MLIP: variants seen among roughly 807,000 people sequenced by gnomAD.
MLIP encodes the protein muscular LMNA-interacting protein.
A neutral mutation model predicts 84.8 loss-of-function variants in MLIP; 79 were observed. That is an observed-to-expected ratio of 0.93 (90% CI 0.78 to 1.12). The LOEUF (loss-of-function observed/expected upper bound fraction) is 1.12. Ranked by LOEUF, MLIP falls within the 50% of genes most tolerant of loss-of-function variation. The pLI is 0.00. For missense variants in MLIP, 1,257 were observed against 1,160.6 expected (o/e 1.08, Z -1.21); for synonymous variants, 504 against 463.0 (o/e 1.09, Z -1.14).
At chr6:54,243,512 T>G (rs2150843553) in intron 12 of MLIP, among the ~76,000 whole-genome samples, 1 of 152,330 alleles carries the variant, frequency 6.6e-6, no homozygotes, top group Non-Finnish European at 1.5e-5. Flanking sequence ...GGAACATATT[T>G]AGAAAAAGTA....
chr6:54,244,750 A>G (rs559455604), intron 12 of MLIP, among the ~76,000 whole-genome samples: 402 of 152,304 alleles, frequency 2.6e-3, no homozygotes, highest in African/African-American at 9.0e-3. Context: ...TTTTTCCAGG[A>G]AACTGAGAAC....
upstream of MLIP, among the ~76,000 whole-genome samples, chr6:54,107,749 C>T (rs1171636061): frequency 2.0e-5 from 3 of 152,164 alleles, no homozygotes; most frequent in African/African-American, 7.2e-5. Flanking sequence ...ATGCTGAGAA[C>T]AGGTTCCAAG....
chr6:54,026,292 T>A (rs1763800561), intron 1 of MLIP, among the ~76,000 whole-genome samples: 1 of 152,232 alleles, frequency 6.6e-6, no homozygotes, highest in Non-Finnish European at 1.5e-5. Flanking sequence ...TTAAGCATTA[T>A]GAGTAATTAA....
At chr6:54,145,689 T>C (rs867147102) in intron 4 of MLIP, among the ~76,000 whole-genome samples, 1 of 151,986 alleles carries the variant, frequency 6.6e-6, no homozygotes, top group Non-Finnish European at 1.5e-5. Context: ...GGTGGAAGAA[T>C]TGCTTGAGCT....
chr6:54,128,565 T>C (rs1022509245), intron 3 of MLIP, among the ~76,000 whole-genome samples: 1 of 152,086 alleles, frequency 6.6e-6, no homozygotes, highest in Non-Finnish European at 1.5e-5. Context: ...CCTGAGTCCA[T>C]TAAATCTTGA....
At chr6:54,061,926 A>C (rs529303039) in intron 1 of MLIP, among the ~76,000 whole-genome samples, 53 of 152,212 alleles carry the variant, frequency 3.5e-4, no homozygotes, top group Non-Finnish European at 7.2e-4. Flanking sequence ...TTACTTTCTC[A>C]AGTTGGTTGT....
intron 1 of MLIP, among the ~76,000 whole-genome samples, chr6:54,024,617 G>A (rs1184377442): frequency 1.3e-5 from 2 of 152,126 alleles, no homozygotes; most frequent in African/African-American, 4.8e-5. Flanking sequence ...TAAAGTCCTA[G>A]CCCTCAAGGC....
At chr6:54,147,671 G>A (rs778557497) in intron 4 of MLIP, among the ~76,000 whole-genome samples, 1 of 152,060 alleles carries the variant, frequency 6.6e-6, no homozygotes, top group Admixed American at 6.6e-5. Context: ...TCTTGTGCAC[G>A]TTTTGCTGAG....
intron 9 of MLIP, among the ~76,000 whole-genome samples, chr6:54,187,401 C>A (rs190013728): frequency 6.6e-6 from 1 of 151,914 alleles, no homozygotes; most frequent in Non-Finnish European, 1.5e-5. Flanking sequence ...TGGTATTTAA[C>A]GAGGGGGGAC....
chr6:54,242,009 G>C (rs1216191087), intron 12 of MLIP, among the ~76,000 whole-genome samples: 1 of 152,204 alleles, frequency 6.6e-6, no homozygotes, highest in Non-Finnish European at 1.5e-5. Context: ...ATAGGAAATA[G>C]GAGAAATGAA....
At chr6:54,264,595 CCA>C (rs1783582559) in intron 13 of MLIP, among the ~76,000 whole-genome samples, 1 of 151,962 alleles carries the variant, frequency 6.6e-6, no homozygotes, top group African/African-American at 2.4e-5. Flanking sequence ...AAAGTATTAG[CCA>C]AATGATGATC....
intron 12 of MLIP, among the ~76,000 whole-genome samples, chr6:54,237,678 T>TA (rs572232087): frequency 0.01 from 1,192 of 116,398 alleles, 13 homozygotes; most frequent in African/African-American, 0.021. Context: ...AGACTGTCTC[T>TA]AAAAAAAAAA....
At chr6:54,139,534 G>C (rs184279399) in intron 4 of MLIP, among the ~76,000 whole-genome samples, 1 of 152,242 alleles carries the variant, frequency 6.6e-6, no homozygotes, top group Admixed American at 6.5e-5. Flanking sequence ...ATAATCTGAC[G>C]GTAATAATAG....
intron 9 of MLIP, among the ~76,000 whole-genome samples, chr6:54,186,047 C>T (rs368533320): frequency 2.1e-3 from 313 of 152,264 alleles, no homozygotes; most frequent in African/African-American, 6.4e-3. Flanking sequence ...TGACATGAGT[C>T]AAAACCCAGA....
intron 10 of MLIP, among the ~76,000 whole-genome samples, chr6:54,192,976 C>A (rs1298123249): frequency 6.6e-6 from 1 of 152,296 alleles, no homozygotes; most frequent in African/African-American, 2.4e-5. Context: ...AACGATACAT[C>A]ATTTTTTCAT....
chr6:54,244,329 T>C (rs962280732), intron 12 of MLIP, among the ~76,000 whole-genome samples: 2 of 152,160 alleles, frequency 1.3e-5, no homozygotes, highest in African/African-American at 4.8e-5. Flanking sequence ...ATTGTTGGAA[T>C]TGGAAAAAAG....
At chr6:54,036,761 G>A (rs1451212699) in intron 1 of MLIP, among the ~76,000 whole-genome samples, 2 of 151,964 alleles carry the variant, frequency 1.3e-5, no homozygotes, top group Non-Finnish European at 2.9e-5. Context: ...AATGAAATCA[G>A]TAGGTCAAAG....
In MLIP at chr6:54,137,545, C is replaced by T. The variant is rs1234686577; in HGVS notation, c.1476C>T (p.His492=). The T allele has an allele frequency of 6.5e-7, 1 of 1,536,146 alleles. No homozygotes were observed. The highest frequency in any genetic ancestry group is 8.7e-7 in the Non-Finnish European group (1 of 1,146,900). ...QVSELTQQSF[H]LPVFTKSTPL... Reference sequence around the variant, plus strand: ...CTGAATTGACCCAGCAATCTTTTCACCTGCCTGTTTTCACCAAGTCTACTC... The same window carrying T: ...CTGAATTGACCCAGCAATCTTTTCATCTGCCTGTTTTCACCAAGTCTACTC... Residue 492 remains histidine (H), a synonymous_variant, in exon 4 of 14, where the codon CAC becomes CAT. Coordinates refer to ENST00000502396, the MANE Select transcript of MLIP (RefSeq NM_001281747.2).
intron 3 of MLIP, among the ~76,000 whole-genome samples, chr6:54,131,274 T>C (rs1362866190): frequency 1.3e-5 from 2 of 152,174 alleles, no homozygotes; most frequent in Non-Finnish European, 2.9e-5. Context: ...GCAGAATTTA[T>C]TTCCTTGAGG....
Sources: gnomAD v4.1 joint callset for allele counts (sites outside exome capture counted in the v4.1 genomes callset) on GRCh38, gnomAD v4.1.1 for gene constraint, MANE v1.5 for transcripts, NCBI Gene and HGNC (gene_info 2026-07-23, HGNC 2026-07-21) for gene names.